Variants in KIF16B observed in about 807,000 individuals in gnomAD.
KIF16B encodes the protein kinesin family member 16B.
In KIF16B, 98 loss-of-function variants were observed where a neutral mutation model predicts 156.3. The observed-to-expected ratio is 0.63, with a 90% confidence interval of 0.53 to 0.74. KIF16B has a LOEUF of 0.74. Among genes scored for constraint, KIF16B ranks in the 30% least tolerant of loss-of-function variants. The pLI is 0.00. For missense variants in KIF16B, 1,421 were observed against 1,606.5 expected (o/e 0.88, Z 1.97); for synonymous variants, 564 against 583.7 (o/e 0.97, Z 0.49).
intron 15 of KIF16B, among the ~76,000 whole-genome samples, chr20:16,408,984 G>C (rs1272631731): frequency 6.6e-6 from 1 of 152,114 alleles, no homozygotes; most frequent in Non-Finnish European, 1.5e-5. Flanking sequence ...GGGATACAGA[G>C]TTGAGCAATT....
intron 25 of KIF16B, among the ~76,000 whole-genome samples, chr20:16,308,748 G>T (rs2063576418): frequency 1.3e-5 from 2 of 152,224 alleles, no homozygotes; most frequent in African/African-American, 4.8e-5. Flanking sequence ...ATATGAAATT[G>T]CTGATACTCC....
Position 16,272,882 on chromosome 20 carries a change from G to C in KIF16B, c.*371C>G, listed in dbSNP as rs1311483604. ...ATGAAAGTCATTTAAGGGTGGTCTG[G>C]TAAGCCACCCACTTTGGGAGGTCCC... On this transcript the variant is annotated 3_prime_UTR_variant, in exon 26 of 26. Transcript: ENST00000354981. 5.8e-6 allele frequency: 1 copy of C among 173,354 alleles called. No homozygotes were observed. Among genetic ancestry groups the C allele is most frequent in the East Asian group, 1.5e-4 (1 of 6,498 alleles). The allele number at this position is 173,354 out of a possible 1,614,324, so 10.7% of individuals were successfully genotyped here.
At chr20:16,324,649 G>A (rs2063817160) in intron 24 of KIF16B, among the ~76,000 whole-genome samples, 1 of 151,932 alleles carries the variant, frequency 6.6e-6, no homozygotes, top group Non-Finnish European at 1.5e-5. Context: ...TTTGTCACTG[G>A]AAATCATCTT....
chr20:16,422,298 C>G (rs905772176), intron 15 of KIF16B, among the ~76,000 whole-genome samples: 1 of 152,090 alleles, frequency 6.6e-6, no homozygotes, highest in Non-Finnish European at 1.5e-5. Flanking sequence ...CGTGTGTGTG[C>G]TCTAAAAGTT....
intron 15 of KIF16B, among the ~76,000 whole-genome samples, chr20:16,426,382 G>A (rs1012026373): frequency 2.6e-5 from 4 of 152,094 alleles, no homozygotes; most frequent in African/African-American, 9.7e-5. Context: ...AAAAGTCTAG[G>A]AAAGGCCAAG....
chr20:16,358,353 G>A (rs2064486387), intron 22 of KIF16B, among the ~76,000 whole-genome samples: 1 of 152,114 alleles, frequency 6.6e-6, no homozygotes, highest in Non-Finnish European at 1.5e-5. Flanking sequence ...GTGAATGATC[G>A]GGTTCTCAAA....
intron 22 of KIF16B, among the ~76,000 whole-genome samples, chr20:16,369,544 C>G (rs1373647091): frequency 6.6e-6 from 1 of 152,100 alleles, no homozygotes; most frequent in Non-Finnish European, 1.5e-5. Context: ...ACGTCTTGAT[C>G]TAATATTTCA....
chr20:16,329,328 G>A (rs1471290681), intron 24 of KIF16B, among the ~76,000 whole-genome samples: 1 of 152,204 alleles, frequency 6.6e-6, no homozygotes, highest in Non-Finnish European at 1.5e-5. Flanking sequence ...GACAGAAACA[G>A]TAACTCTATC....
At chr20:16,570,479 T>C (rs559502926) in intron 1 of KIF16B, among the ~76,000 whole-genome samples, 156 of 152,330 alleles carry the variant, frequency 1.0e-3, no homozygotes, top group African/African-American at 3.6e-3. Context: ...GTACCAGCAA[T>C]TGGTGCTCAG....
chr20:16,411,891 C>G (rs1012909112), intron 15 of KIF16B, among the ~76,000 whole-genome samples: 14 of 149,620 alleles, frequency 9.4e-5, no homozygotes, highest in African/African-American at 3.5e-4. Flanking sequence ...CCCTCAAAAA[C>G]TTTTGGACAT....
At chr20:16,342,612 A>G (rs1028140158) in intron 23 of KIF16B, among the ~76,000 whole-genome samples, 19 of 152,266 alleles carry the variant, frequency 1.2e-4, no homozygotes, top group African/African-American at 3.4e-4. Flanking sequence ...AATATGGTGC[A>G]CTCTCAATAT....
chr20:16,447,225 TA>T (rs1448510506), intron 12 of KIF16B, among the ~76,000 whole-genome samples: 1 of 151,966 alleles, frequency 6.6e-6, no homozygotes, highest in African/African-American at 2.4e-5. Context: ...TACTATGGCC[TA>T]AAAACTCTAC....
chr20:16,482,814 T>C (rs1413749269), intron 12 of KIF16B, among the ~76,000 whole-genome samples: 2 of 152,140 alleles, frequency 1.3e-5, no homozygotes, highest in African/African-American at 4.8e-5. Flanking sequence ...AAGTTCTATA[T>C]TTATGGTAGG....
At chr20:16,287,436 G>A (rs528521843) in intron 25 of KIF16B, among the ~76,000 whole-genome samples, 2 of 152,182 alleles carry the variant, frequency 1.3e-5, no homozygotes, top group South Asian at 4.2e-4. Flanking sequence ...AATTCATCAG[G>A]GTGAAAATGT....
intron 1 of KIF16B, among the ~76,000 whole-genome samples, chr20:16,560,016 GT>G (rs1308762585): frequency 6.6e-6 from 1 of 152,006 alleles, no homozygotes; most frequent in African/African-American, 2.4e-5. Flanking sequence ...TGGGTAAAAG[GT>G]ACATGGGAAC....
chr20:16,334,774 C>T (rs1003373139), intron 24 of KIF16B, among the ~76,000 whole-genome samples: 1 of 152,042 alleles, frequency 6.6e-6, no homozygotes, highest in African/African-American at 2.4e-5. Context: ...CACTGGGTCC[C>T]CTTCATATTC....
At chr20:16,505,693 T>C (rs908411615) in intron 9 of KIF16B, 29 bp downstream of exon 9, 1 of 1,595,320 alleles carries the variant, frequency 6.3e-7, no homozygotes, top group Non-Finnish European at 8.6e-7. Flanking sequence ...AAATATTGTA[T>C]GCTCAGAAAA....
rs538672156 is a variant in KIF16B, at chr20:16,379,619, C to A, written c.2383G>T (p.Glu795Ter). ...CGCAGGAGGGATTCCCGAATGCCTT[C>A]CAGGTCCCTCTTCTCCTCTTCCACC... ...QWVEEEKRDL[E>*]GIRESLLRVK... Residue 795 changes from glutamate to a stop codon, truncating the protein, a stop_gained, in exon 19 of 26, where the codon GAA becomes TAA. Transcript: ENST00000354981. LOFTEE classifies it high-confidence loss of function. 1 of 1,614,134 alleles carries A rather than the reference C, an allele frequency of 6.2e-7. No homozygotes were observed. The highest frequency in any genetic ancestry group is 1.1e-5 in the South Asian group (1 of 91,072).
chr20:16,502,762 A>T (rs2068662845), intron 10 of KIF16B, among the ~76,000 whole-genome samples: 1 of 152,212 alleles, frequency 6.6e-6, no homozygotes, highest in Non-Finnish European at 1.5e-5. Context: ...TAAAAAGATA[A>T]TATTTTTACC....
Sources: gnomAD v4.1 joint callset for allele counts (sites outside exome capture counted in the v4.1 genomes callset) on GRCh38, gnomAD v4.1.1 for gene constraint, MANE v1.5 for transcripts, NCBI Gene and HGNC (gene_info 2026-07-23, HGNC 2026-07-21) for gene names.